The following MYO16 variants were observed in gnomAD, a reference collection of about 807,000 sequenced individuals.
MYO16 encodes the protein unconventional myosin-XVI.
Under a neutral mutation model 205.3 loss-of-function variants are expected in MYO16, and 94 were observed. The observed-to-expected ratio is 0.46, with a 90% CI of 0.39 to 0.54. The LOEUF (loss-of-function observed/expected upper bound fraction) is 0.54, where lower values mean the gene tolerates loss of function less well. MYO16 is among the 20% of genes least tolerant of loss of function. The pLI is 0.00. For missense variants in MYO16, 2,315 were observed against 2,387.5 expected (o/e 0.97, Z 0.63); for synonymous variants, 988 against 954.0 (o/e 1.04, Z -0.66).
At chr13:108,753,285 G>A (rs1377062234) in intron 4 of MYO16, among the ~76,000 whole-genome samples, 4 of 148,220 alleles carry the variant, frequency 2.7e-5, no homozygotes, top group African/African-American at 7.5e-5. Flanking sequence ...CAGGAGAATC[G>A]CTTGAAACTG....
intron 16 of MYO16, among the ~76,000 whole-genome samples, chr13:108,915,302 C>T (rs116291323): frequency 0.016 from 2,449 of 152,206 alleles, 63 homozygotes; most frequent in African/African-American, 0.055. Flanking sequence ...TAAGACTGCA[C>T]GGATCTGGAA....
At chr13:108,923,335 C>A (rs550286037) in intron 16 of MYO16, among the ~76,000 whole-genome samples, 1 of 152,344 alleles carries the variant, frequency 6.6e-6, no homozygotes, top group South Asian at 2.1e-4. Flanking sequence ...ATTACAGGAA[C>A]TTGTAATAAG....
At position 108,973,653 on chromosome 13, in the gene MYO16, AC is replaced by A. The variant is rs1417046193; in HGVS notation, c.2369+8752del. On this transcript the variant is annotated intron_variant, in intron 20 of 34. Coordinates refer to ENST00000457511, the MANE Select transcript of MYO16 (RefSeq NM_001198950.3). ...CTAGGGTCTCAAAACTAGTGACTCC[AC>A]TCAGAAAAGAGAAAAAAGAACACAT... Among the ~76,000 whole-genome samples, 3 of 152,066 alleles carry A rather than the reference AC, an allele frequency of 2.0e-5. No individual in the cohort carries two copies. The East Asian group carries it at 5.8e-4, about 29-fold the overall frequency.
chr13:109,132,770 A>G lies in MYO16; in HGVS notation c.4051+5220A>G, dbSNP rs558620034. 3.9e-5 allele frequency among the ~76,000 whole-genome samples: 6 copies of G among 152,360 alleles called. No homozygotes were observed. The South Asian group carries it at 1.2e-3, about 32-fold the overall frequency. ...ACTGGGAATAACAGAACACAATTGC[A>G]CAGTTCACCACCTATGACGCAGTTG... On this transcript the variant is annotated intron_variant, in intron 31 of 34. Coordinates refer to ENST00000457511, the MANE Select transcript of MYO16 (RefSeq NM_001198950.3).
intron 34 of MYO16, among the ~76,000 whole-genome samples, chr13:109,194,491 T>C (rs601250): frequency 0.64 from 97,483 of 151,948 alleles, 33,225 homozygotes; most frequent in African/African-American, 0.86. Context: ...CGTGAAAATG[T>C]TTTAAGGATA....
chr13:108,962,413 T>C lies in MYO16; in HGVS notation c.2156-11T>C. The C allele has an allele frequency of 6.3e-7, 1 of 1,599,788 alleles. No homozygotes were observed. Among genetic ancestry groups the C allele is most frequent in the Non-Finnish European group, 8.5e-7 (1 of 1,173,034 alleles). On this transcript the variant is annotated splice_polypyrimidine_tract_variant and intron_variant, in intron 18 of 34. Transcript: ENST00000457511. ...ACTAACTTTATGTTTATAATGCTGATTTAATTTTAGTGGCTGGAATGTTAC... is the reference window on the plus strand; with the variant it reads ...ACTAACTTTATGTTTATAATGCTGACTTAATTTTAGTGGCTGGAATGTTAC...
chr13:109,114,336 G>A (rs764952929), intron 28 of MYO16, among the ~76,000 whole-genome samples: 1 of 152,130 alleles, frequency 6.6e-6, no homozygotes, highest in Admixed American at 6.5e-5. Context: ...GATCCCAAGC[G>A]ATTAATATGC....
Position 108,910,253 on chromosome 13 carries a change from A to G in MYO16, c.1925+103A>G, listed in dbSNP as rs962898576. 1.5e-5 allele frequency: 19 copies of G among 1,270,992 alleles called. No homozygotes were observed. In the African/African-American group the frequency reaches 1.8e-4, roughly 12 times the overall value. The allele number at this position is 1,270,992 out of a possible 1,614,324, so 78.7% of individuals were successfully genotyped here. A position where few individuals can be genotyped will look rare whatever the true frequency, so the allele number is the denominator to read the frequency against. On this transcript the variant is annotated intron_variant, in intron 16 of 34. Transcript: ENST00000457511. ...CTTACTTTTCAGAGACAAAATGGTG[A>G]GTAAAAGATAACTGTTGGATACTGT...
At chr13:108,637,482 A>C (rs1880309564) in intron 1 of MYO16, among the ~76,000 whole-genome samples, 1 of 152,196 alleles carries the variant, frequency 6.6e-6, no homozygotes, top group Non-Finnish European at 1.5e-5. Flanking sequence ...CTTTTATTTT[A>C]TTCATTTATT....
chr13:108,546,120 A>C, the MYO16 span, among the ~76,000 whole-genome samples: 33 of 152,098 alleles, frequency 2.2e-4, no homozygotes, highest in Admixed American at 2.2e-3. Flanking sequence ...CCCAGTTCTC[A>C]GTGTGTTTTG....
intron 11 of MYO16, among the ~76,000 whole-genome samples, chr13:108,860,402 A>G (rs1331806316): frequency 6.6e-6 from 1 of 152,054 alleles, no homozygotes; most frequent in African/African-American, 2.4e-5. Flanking sequence ...TCTTTATCCA[A>G]TCTGTCATTT....
At chr13:108,860,525 C>T (rs112671214) in intron 11 of MYO16, among the ~76,000 whole-genome samples, 5,111 of 152,180 alleles carry the variant, frequency 0.034, 228 homozygotes, top group South Asian at 0.15. Context: ...GGTATATACC[C>T]GGTAATGGGA....
At chr13:108,699,560 T>A (rs909714597) in intron 2 of MYO16, among the ~76,000 whole-genome samples, 3 of 152,162 alleles carry the variant, frequency 2.0e-5, no homozygotes, top group African/African-American at 7.2e-5. Flanking sequence ...TACTTCTACA[T>A]CAAGAGCTAA....
chr13:108,844,129 TA>T (rs1380969670), intron 9 of MYO16, among the ~76,000 whole-genome samples: 5 of 152,162 alleles, frequency 3.3e-5, no homozygotes, highest in Admixed American at 6.5e-5. Flanking sequence ...AATAAGTATA[TA>T]CTTTTTTCTT....
At chr13:108,677,851 G>A (rs891937240) in intron 2 of MYO16, among the ~76,000 whole-genome samples, 1 of 152,176 alleles carries the variant, frequency 6.6e-6, no homozygotes, top group Non-Finnish European at 1.5e-5. Flanking sequence ...TCAGGTCTCC[G>A]ATCCATCGAG....
At chr13:108,674,440 G>T (rs1167581747) in intron 2 of MYO16, among the ~76,000 whole-genome samples, 2 of 152,202 alleles carry the variant, frequency 1.3e-5, no homozygotes, top group African/African-American at 4.8e-5. Flanking sequence ...CTGTTTTTAT[G>T]AGTGTGACCC....
At chr13:108,722,853 G>A (rs956471461) in intron 3 of MYO16, among the ~76,000 whole-genome samples, 1 of 152,134 alleles carries the variant, frequency 6.6e-6, no homozygotes, top group Admixed American at 6.5e-5. Context: ...ATACGGTCAA[G>A]GCACTGAGTC....
chr13:108,958,206 T>TTA (rs1883452972), intron 17 of MYO16, among the ~76,000 whole-genome samples: 2 of 147,630 alleles, frequency 1.4e-5, no homozygotes, highest in Non-Finnish European at 3.0e-5. Context: ...CTTTATAAAT[T>TTA]ATATTTATAA....
At chr13:109,024,844 C>T (rs1886309911) in intron 23 of MYO16, among the ~76,000 whole-genome samples, 1 of 152,010 alleles carries the variant, frequency 6.6e-6, no homozygotes, top group African/African-American at 2.4e-5. Context: ...ATATGTCAAG[C>T]CATATGCCAT....
Sources: allele counts gnomAD v4.1 joint callset (sites outside exome capture counted in the v4.1 genomes callset), GRCh38; gene constraint gnomAD v4.1.1; transcripts MANE v1.5; gene names NCBI Gene and HGNC (gene_info 2026-07-23, HGNC 2026-07-21).